The following SGTB variants were observed in gnomAD, a reference collection of about 807,000 sequenced individuals.
SGTB encodes the protein small glutamine rich tetratricopeptide repeat co-chaperone beta.
A neutral mutation model predicts 43.9 loss-of-function variants in SGTB; 19 were observed. The ratio of observed to expected loss-of-function variants is 0.43; its 90% CI spans 0.30 to 0.63. The LOEUF (loss-of-function observed/expected upper bound fraction) is 0.63. Ranked by LOEUF, SGTB falls within the 30% of genes least tolerant of loss-of-function variation. SGTB has a pLI of 0.12. For synonymous variants in SGTB, 116 were observed against 117.3 expected (o/e 0.99, Z 0.07); for missense variants, 304 against 358.9 (o/e 0.85, Z 1.24).
At chr5:65,709,010 C>T (rs1396255193) in intron 3 of SGTB, among the ~76,000 whole-genome samples, 1 of 150,862 alleles carries the variant, frequency 6.6e-6, no homozygotes, top group Non-Finnish European at 1.5e-5. Context: ...CACTGTACTC[C>T]AGCCTGGGCA....
chr5:65,717,976 A>G (rs1758183232), intron 2 of SGTB, among the ~76,000 whole-genome samples: 2 of 152,128 alleles, frequency 1.3e-5, no homozygotes, highest in Admixed American at 6.5e-5. Flanking sequence ...ATTTAAGATG[A>G]GTAAGAAGAG....
chr5:65,704,044 A>AT (rs1561163280), intron 5 of SGTB, among the ~76,000 whole-genome samples: 9 of 86,498 alleles, frequency 1.0e-4, no homozygotes, highest in African/African-American at 3.2e-4. Context: ...TCAAAAAAAA[A>AT]AAAAAAAATA....
At chr5:65,685,561 G>A in intron 5 of SGTB, 89 bp from the exon 6 acceptor site, 1 of 993,136 alleles carries the variant, frequency 1.0e-6, no homozygotes, top group Admixed American at 2.2e-5. Context: ...CCTTTTTCTT[G>A]TTCCAATTTG....
At chr5:65,707,397 C>T (rs7713113) in intron 4 of SGTB, among the ~76,000 whole-genome samples, 4,414 of 117,512 alleles carry the variant, frequency 0.038, 215 homozygotes, top group African/African-American at 0.16. Flanking sequence ...TGATTTTATA[C>T]ACACACACAC....
intron 5 of SGTB, among the ~76,000 whole-genome samples, chr5:65,700,681 C>T (rs1332341577): frequency 8.6e-5 from 8 of 92,764 alleles, no homozygotes; most frequent in African/African-American, 3.1e-4. Context: ...ACTCTGTCTC[C>T]CAAAAAAAAA....
chr5:65,722,218 G>C (rs1758317331), upstream of SGTB: 1 of 397,254 alleles, frequency 2.5e-6, no homozygotes, highest in Non-Finnish European at 4.3e-6. Context: ...CGCCGGCGTG[G>C]AGCTGCCGCA....
At position 65,713,082 on chromosome 5, in the gene SGTB, T is replaced by C. The variant is rs376245606; in HGVS notation, c.101-18A>G. The C allele has an allele frequency of 6.3e-7, 1 of 1,577,088 alleles. No homozygotes were observed. On this transcript the variant is annotated intron_variant, in intron 2 of 10. Coordinates refer to ENST00000381007, the MANE Select transcript of SGTB (RefSeq NM_019072.3). ...AATTGCAACTTGAAATAAATTTTAA[T>C]AGTAAAAAACAATTAGCAATTTTAA...
chr5:65,720,977 G>T, intron 1 of SGTB, 148 bp from the exon 2 acceptor site: 2 of 831,994 alleles, frequency 2.4e-6, no homozygotes, highest in South Asian at 2.0e-5. Flanking sequence ...TTTTCTCTTT[G>T]TAAAGAGTCA....
intron 8 of SGTB, among the ~76,000 whole-genome samples, chr5:65,673,412 G>A (rs553239296): frequency 5.9e-5 from 9 of 152,272 alleles, no homozygotes; most frequent in Admixed American, 6.5e-5. Context: ...AGCGGTGGGC[G>A]AGCAAGCATT....
At chr5:65,708,604 G>T (rs536167841) in intron 3 of SGTB, 46 bp from the exon 4 acceptor site, 1 of 1,475,980 alleles carries the variant, frequency 6.8e-7, no homozygotes, top group Non-Finnish European at 9.4e-7. Flanking sequence ...GCTACATAAA[G>T]AATCATCCTA....
chr5:65,670,915 A>C (rs1385265480), intron 10 of SGTB, among the ~76,000 whole-genome samples: 1 of 152,228 alleles, frequency 6.6e-6, no homozygotes, highest in East Asian at 1.9e-4. Context: ...CTGTGGCTTC[A>C]TATAAAATGT....
intron 6 of SGTB, among the ~76,000 whole-genome samples, chr5:65,683,217 C>CAA: frequency 6.7e-6 from 1 of 148,978 alleles, no homozygotes; most frequent in South Asian, 2.1e-4. Flanking sequence ...CACAAAAATA[C>CAA]AAAAAAAAAT....
intron 5 of SGTB, among the ~76,000 whole-genome samples, chr5:65,699,285 TG>T (rs1409290648): frequency 6.6e-6 from 1 of 152,210 alleles, no homozygotes; most frequent in Non-Finnish European, 1.5e-5. Context: ...AACTCAGGAA[TG>T]GAAAACCAAA....
At position 65,716,368 on chromosome 5, in the gene SGTB, T is replaced by G. The variant is rs181008626; in HGVS notation, c.101-3304A>C. ...AGATAAATGATAGAAACTCACATAC[T>G]CTGTTTGTAAAGATCACTGGTGCCT... is the stretch of plus-strand genomic sequence containing the variant. On this transcript the variant is annotated intron_variant, in intron 2 of 10. Coordinates refer to ENST00000381007, the MANE Select transcript of SGTB (RefSeq NM_019072.3). Among the ~76,000 whole-genome samples the G allele has an allele frequency of 2.0e-3, 306 of 152,342 alleles. 2 individuals are homozygous for G. Among genetic ancestry groups the G allele is most frequent in the Non-Finnish European group, 2.4e-3 (165 of 68,026 alleles).
In SGTB at chr5:65,683,933, G is replaced by A. The variant is rs1196039658; in HGVS notation, c.479+1435C>T. The stretch of plus-strand genomic sequence containing the variant: ...TGCACTGCAGCCTGGGTGACAGAGC[G>A]AGACTCTGTCTCAAAAAAAAAAAAA... On this transcript the variant is annotated intron_variant, in intron 6 of 10. Transcript: ENST00000381007. 3.4e-5 allele frequency among the ~76,000 whole-genome samples: 5 copies of A among 148,744 alleles called. No homozygotes were observed. The East Asian group carries it at 6.0e-4, about 18-fold the overall frequency.
chr5:65,670,472 C>CA (rs1178616371), intron 10 of SGTB, 115 bp from the exon 11 acceptor site: 5 of 748,650 alleles, frequency 6.7e-6, no homozygotes, highest in African/African-American at 5.3e-5. Flanking sequence ...TCTATAAAAA[C>CA]AAGTTTCAGA....
upstream of SGTB, chr5:65,722,229 C>T: frequency 2.3e-6 from 1 of 438,906 alleles, no homozygotes; most frequent in Non-Finnish European, 3.8e-6. Context: ...AGCTGCCGCA[C>T]GTGGGAGGGC....
chr5:65,674,084 A>G (rs577537632), intron 8 of SGTB, among the ~76,000 whole-genome samples: 1 of 152,276 alleles, frequency 6.6e-6, no homozygotes, highest in African/African-American at 2.4e-5. Flanking sequence ...TTCTTATTTG[A>G]TGACTGGTAT....
At chr5:65,695,902 G>A (rs1259495366) in intron 5 of SGTB, among the ~76,000 whole-genome samples, 1 of 152,176 alleles carries the variant, frequency 6.6e-6, no homozygotes, top group Non-Finnish European at 1.5e-5. Flanking sequence ...AGGAAACTGA[G>A]GCTTAAAAAG....
Sources: gnomAD v4.1 joint callset for allele counts (sites outside exome capture counted in the v4.1 genomes callset) on GRCh38, gnomAD v4.1.1 for gene constraint, MANE v1.5 for transcripts, NCBI Gene and HGNC (gene_info 2026-07-23, HGNC 2026-07-21) for gene names.